MCC: variants seen among roughly 807,000 people sequenced by gnomAD.
MCC encodes colorectal mutant cancer protein.
In MCC, 90 loss-of-function variants were observed where a neutral mutation model predicts 116.2. The observed-to-expected ratio is 0.77, with a 90% CI of 0.65 to 0.92. The LOEUF (loss-of-function observed/expected upper bound fraction) is 0.92, where lower values mean the gene tolerates loss of function less well. Among genes scored for constraint, MCC ranks in the 40% least tolerant of loss-of-function variants. The probability of loss-of-function intolerance (pLI) is 0.00; values close to 1 mark genes in which losing one functional copy is unlikely to be tolerated. For synonymous variants in MCC, 578 were observed against 510.5 expected (o/e 1.13, Z -1.78); for missense variants, 1,516 against 1,312.2 (o/e 1.16, Z -2.40).
chr5:113,207,450 C>T (rs1762957926), intron 3 of MCC, among the ~76,000 whole-genome samples: 1 of 32,722 alleles, frequency 3.1e-5, no homozygotes, highest in African/African-American at 1.3e-4. Flanking sequence ...TATCCTCCAT[C>T]GTGGAGGGTG....
At chr5:113,244,038 T>C (rs755545651) in intron 3 of MCC, among the ~76,000 whole-genome samples, 1 of 152,198 alleles carries the variant, frequency 6.6e-6, no homozygotes, top group Non-Finnish European at 1.5e-5. Flanking sequence ...CATTCTACAC[T>C]GCAGGCAAAG....
intron 5 of MCC, among the ~76,000 whole-genome samples, chr5:113,136,802 G>A (rs921122331): frequency 4.6e-5 from 7 of 152,198 alleles, no homozygotes; most frequent in South Asian, 2.1e-4. Flanking sequence ...ATAATTCTGC[G>A]AACAAGGTGA....
At chr5:113,182,832 G>C (rs914701828) in intron 3 of MCC, among the ~76,000 whole-genome samples, 1 of 152,240 alleles carries the variant, frequency 6.6e-6, no homozygotes, top group African/African-American at 2.4e-5. Context: ...TGACAATCCA[G>C]ATGGCGGGAA....
At chr5:113,402,552 G>C (rs762975353) in intron 1 of MCC, among the ~76,000 whole-genome samples, 27 of 152,066 alleles carry the variant, frequency 1.8e-4, no homozygotes, top group East Asian at 1.2e-3. Context: ...AACTACTTTA[G>C]TTTTAGAAAA....
chr5:113,339,183 G>A (rs1006309887), intron 3 of MCC, among the ~76,000 whole-genome samples: 4 of 150,370 alleles, frequency 2.7e-5, no homozygotes, highest in Admixed American at 6.6e-5. Flanking sequence ...CCAAGACTGC[G>A]CAATTGCACT....
Position 113,027,093 on chromosome 5 carries a change from G to A in MCC, c.*209C>T. The A allele has an allele frequency of 1.8e-6, 1 of 568,220 alleles. No homozygotes were observed. Among genetic ancestry groups the A allele is most frequent in the Non-Finnish European group, 3.1e-6 (1 of 321,584 alleles). The allele number at this position is 568,220 out of a possible 1,614,324, so 35.2% of individuals were successfully genotyped here. A position where few individuals can be genotyped will look rare whatever the true frequency, so the allele number is the denominator to read the frequency against. Reference sequence around the variant, plus strand: ...TTACACGCTGTTGTGGGCCCAGGAGGGAAGAGCGGGCACCTCTGGATACAG... The same window carrying A: ...TTACACGCTGTTGTGGGCCCAGGAGAGAAGAGCGGGCACCTCTGGATACAG... On this transcript the variant is annotated 3_prime_UTR_variant, in exon 19 of 19. Coordinates refer to ENST00000408903, the MANE Select transcript of MCC (RefSeq NM_001085377.2).
At chr5:113,480,586 G>A (rs751375621) in intron 1 of MCC, among the ~76,000 whole-genome samples, 15 of 152,246 alleles carry the variant, frequency 9.9e-5, no homozygotes, top group Non-Finnish European at 1.9e-4. Flanking sequence ...TTCCATCAAC[G>A]TCTTCCATTA....
rs76283717 is a variant in MCC, at chr5:113,148,706, T to C, written c.741+2603A>G. Among the ~76,000 whole-genome samples the C allele has an allele frequency of 5.8e-3, 885 of 152,332 alleles. 11 individuals are homozygous for C. Among genetic ancestry groups the C allele is most frequent in the African/African-American group, 0.02 (834 of 41,578 alleles). Reference sequence around the variant, plus strand: ...ATTTTTCTTGCATAAATTTCATGTTTTTAAAGATATAAGTCTGACTTTTTT... The same window carrying C: ...ATTTTTCTTGCATAAATTTCATGTTCTTAAAGATATAAGTCTGACTTTTTT... On this transcript the variant is annotated intron_variant, in intron 4 of 18. Coordinates refer to ENST00000408903, the MANE Select transcript of MCC (RefSeq NM_001085377.2).
At chr5:113,097,367 T>C (rs1429267905) in intron 8 of MCC, among the ~76,000 whole-genome samples, 2 of 152,226 alleles carry the variant, frequency 1.3e-5, no homozygotes, top group African/African-American at 4.8e-5. Flanking sequence ...ATGAATACAT[T>C]CATTAAAAAC....
intron 1 of MCC, 55 bp from the exon 2 acceptor site, chr5:113,385,267 G>T: frequency 1.3e-6 from 2 of 1,536,614 alleles, no homozygotes; most frequent in Non-Finnish European, 1.8e-6. Flanking sequence ...TTAAGCTAGA[G>T]AAACTGGTTA....
At chr5:113,044,150 G>A (rs964190395) in intron 16 of MCC, among the ~76,000 whole-genome samples, 2 of 152,122 alleles carry the variant, frequency 1.3e-5, no homozygotes, top group African/African-American at 4.8e-5. Flanking sequence ...AATATCCTTG[G>A]TGCCCCATCC....
intron 2 of MCC, among the ~76,000 whole-genome samples, chr5:113,354,246 C>A (rs980147171): frequency 4.6e-5 from 7 of 152,152 alleles, no homozygotes. Flanking sequence ...TCACATGGCT[C>A]ATAACCCACT....
chr5:113,204,470 T>C (rs1275859775), intron 3 of MCC: 1 of 152,240 alleles, frequency 6.6e-6, no homozygotes, highest in Non-Finnish European at 1.5e-5. Context: ...TCTAAAATTC[T>C]AAAATATACA....
intron 1 of MCC, among the ~76,000 whole-genome samples, chr5:113,394,183 G>C (rs371155920): frequency 1.3e-5 from 2 of 152,040 alleles, no homozygotes; most frequent in Non-Finnish European, 2.9e-5. Flanking sequence ...TGGAAATCTA[G>C]AAGTTATCTA....
chr5:113,346,518 T>C (rs1378615117), intron 2 of MCC, among the ~76,000 whole-genome samples: 1 of 152,064 alleles, frequency 6.6e-6, no homozygotes, highest in Non-Finnish European at 1.5e-5. Flanking sequence ...GAGAATTGCT[T>C]GAACCTGGGA....
intron 3 of MCC, among the ~76,000 whole-genome samples, chr5:113,207,198 C>A (rs1407551600): frequency 6.6e-6 from 1 of 152,186 alleles, no homozygotes; most frequent in African/African-American, 2.4e-5. Context: ...GTATTTGAGA[C>A]CAGACCTCAC....
intron 3 of MCC, among the ~76,000 whole-genome samples, chr5:113,214,090 G>A (rs1057287308): frequency 2.6e-5 from 4 of 152,014 alleles, no homozygotes; most frequent in Non-Finnish European, 4.4e-5. Flanking sequence ...CCCATATTCC[G>A]GACTTAAAAT....
chr5:113,181,412 G>A (rs1761620917), intron 3 of MCC, among the ~76,000 whole-genome samples: 1 of 152,194 alleles, frequency 6.6e-6, no homozygotes, highest in African/African-American at 2.4e-5. Context: ...AATCATAGAG[G>A]TAAATATTTA....
chr5:113,127,152 G>T (rs1403548204), intron 5 of MCC, among the ~76,000 whole-genome samples: 1 of 152,114 alleles, frequency 6.6e-6, no homozygotes, highest in East Asian at 1.9e-4. Context: ...ATAGCCTCTG[G>T]CTCCATCCAT....
Sources: allele counts gnomAD v4.1 joint callset (sites outside exome capture counted in the v4.1 genomes callset), GRCh38; gene constraint gnomAD v4.1.1; transcripts MANE v1.5; gene names NCBI Gene and HGNC (gene_info 2026-07-23, HGNC 2026-07-21).